PIP4P2: variants seen among roughly 807,000 people sequenced by gnomAD.
The protein encoded by PIP4P2 is phosphatidylinositol-4,5-bisphosphate 4-phosphatase 2, also known as type 2 phosphatidylinositol 4,5-bisphosphate 4-phosphatase.
A neutral mutation model predicts 33.3 loss-of-function variants in PIP4P2; 19 were observed. The ratio of observed to expected loss-of-function variants is 0.57; its 90% CI spans 0.40 to 0.84. The LOEUF is 0.84. Among genes scored for constraint, PIP4P2 ranks in the 40% least tolerant of loss-of-function variants. PIP4P2 has a pLI of 0.00. For missense variants in PIP4P2, 270 were observed against 324.7 expected, an observed-to-expected ratio of 0.83 and a Z score of 1.29; for synonymous variants, 110 against 111.9, an observed-to-expected ratio of 0.98 and a Z score of 0.11.
At chr8:91,039,102 A>G (rs1051159470) in intron 1 of PIP4P2, among the ~76,000 whole-genome samples, 3 of 152,244 alleles carry the variant, frequency 2.0e-5, no homozygotes, top group Admixed American at 2.0e-4. Flanking sequence ...CAAATACTTA[A>G]ATTGAAACTT....
intron 1 of PIP4P2, among the ~76,000 whole-genome samples, chr8:91,023,976 T>TGCAGAGGAGCTAAGGTTCTA (rs1180734679): frequency 6.6e-6 from 1 of 152,020 alleles, no homozygotes; most frequent in Non-Finnish European, 1.5e-5. Context: ...CTACTCTCCT[T>TGCAGAGGAGCTAAGGTTCTA]GCAGAGGAGC....
At chr8:91,002,684 G>A (rs1305169883) in intron 5 of PIP4P2, among the ~76,000 whole-genome samples, 1 of 152,160 alleles carries the variant, frequency 6.6e-6, no homozygotes, top group African/African-American at 2.4e-5. Flanking sequence ...ATAAGCAGCA[G>A]AATAACCTTT....
intron 5 of PIP4P2, among the ~76,000 whole-genome samples, chr8:91,000,454 G>GT (rs955455198): frequency 3.3e-5 from 5 of 149,866 alleles, no homozygotes; most frequent in African/African-American, 9.8e-5. Context: ...GGTTTTGTTT[G>GT]TAAGTTTGTT....
chr8:91,014,570 T>TG (rs1811886599), intron 4 of PIP4P2, among the ~76,000 whole-genome samples: 1 of 152,006 alleles, frequency 6.6e-6, no homozygotes, highest in South Asian at 2.1e-4. Flanking sequence ...GAGAGTAGAA[T>TG]GGTGGTTGCC....
At chr8:91,036,672 T>G (rs1233156606) in intron 1 of PIP4P2, among the ~76,000 whole-genome samples, 1 of 152,220 alleles carries the variant, frequency 6.6e-6, no homozygotes, top group Non-Finnish European at 1.5e-5. Flanking sequence ...TCTAATTCAT[T>G]CTCTAATCTA....
intron 2 of PIP4P2, 36 bp downstream of exon 2, chr8:91,021,220 C>CA: frequency 6.2e-7 from 1 of 1,607,724 alleles, no homozygotes; most frequent in South Asian, 1.1e-5. Context: ...TGTCAAATAA[C>CA]AATTTATATT....
chr8:90,996,361 A>C (rs1811628734), intron 6 of PIP4P2, among the ~76,000 whole-genome samples: 1 of 152,132 alleles, frequency 6.6e-6, no homozygotes, highest in Non-Finnish European at 1.5e-5. Flanking sequence ...CATAAAAATT[A>C]GTTCTGGCAC....
intron 1 of PIP4P2, chr8:91,024,192 C>A: frequency 4.0e-6 from 1 of 247,712 alleles, no homozygotes; most frequent in Non-Finnish European, 8.4e-6. Context: ...GCTTCCTGGC[C>A]TTTCATTTCA....
chr8:91,018,531 AAACAACTTCACT>A lies in PIP4P2; in HGVS notation c.363-30_363-19del, dbSNP rs1811952893. 2 of 1,610,918 alleles carry A rather than the reference AAACAACTTCACT, an allele frequency of 1.2e-6. No individual in the cohort carries two copies. Among genetic ancestry groups the A allele is most frequent in the Non-Finnish European group, 1.7e-6 (2 of 1,179,044 alleles). On this transcript the variant is annotated intron_variant, in intron 3 of 6. Transcript: ENST00000285419. ...TCCGTCTACTGTGAAAAGAGAAAGG[AAACAACTTCACT>A]ATCCCACAAATGGACTGAGAGCAAA...
At chr8:91,009,860 T>C (rs919635215) in intron 4 of PIP4P2, among the ~76,000 whole-genome samples, 15 of 151,942 alleles carry the variant, frequency 9.9e-5, no homozygotes, top group African/African-American at 3.6e-4. Context: ...GAAATTTAGT[T>C]AACCTTGTTA....
At chr8:90,999,410 T>C (rs1029077896) in intron 5 of PIP4P2, among the ~76,000 whole-genome samples, 4 of 152,192 alleles carry the variant, frequency 2.6e-5, no homozygotes, top group South Asian at 4.2e-4. Flanking sequence ...TACTCCCTGA[T>C]TGGTATTGCC....
chr8:91,005,885 C>G (rs1254200323), intron 5 of PIP4P2, among the ~76,000 whole-genome samples: 2 of 152,208 alleles, frequency 1.3e-5, no homozygotes, highest in African/African-American at 4.8e-5. Flanking sequence ...TTCAGTCTGG[C>G]AGTGGCCACA....
At chr8:91,022,110 G>A (rs1812018956) in intron 1 of PIP4P2, among the ~76,000 whole-genome samples, 1 of 152,140 alleles carries the variant, frequency 6.6e-6, no homozygotes, top group African/African-American at 2.4e-5. Flanking sequence ...AATGTAGTAT[G>A]TGGGATTAAA....
intron 5 of PIP4P2, among the ~76,000 whole-genome samples, chr8:91,003,256 A>G (rs1180286880): frequency 2.0e-5 from 3 of 152,220 alleles, no homozygotes; most frequent in Admixed American, 6.6e-5. Flanking sequence ...AAATGAATAG[A>G]TAATTGCAGT....
chr8:91,040,756 G>C lies in PIP4P2; in HGVS notation c.-7C>G. The C allele has an allele frequency of 6.2e-7, 1 of 1,611,256 alleles. No individual in the cohort carries two copies. The highest frequency in any genetic ancestry group is 8.5e-7 in the Non-Finnish European group (1 of 1,179,758). On this transcript the variant is annotated 5_prime_UTR_variant, in exon 1 of 7. Transcript: ENST00000285419. ...CCACCCCATCAGCAGCCATGACTGC[G>C]GCAGCGGCGGGGCCTGGGGAGGCCG...
chr8:90,999,203 C>T (rs955147140), intron 5 of PIP4P2, among the ~76,000 whole-genome samples: 1 of 152,036 alleles, frequency 6.6e-6, no homozygotes, highest in Non-Finnish European at 1.5e-5. Flanking sequence ...CAAATAAAAA[C>T]CACAATGAGA....
chr8:91,004,982 A>C (rs1356981685), intron 5 of PIP4P2, among the ~76,000 whole-genome samples: 2 of 152,224 alleles, frequency 1.3e-5, no homozygotes, highest in African/African-American at 4.8e-5. Context: ...ACATTTGTAA[A>C]GAACTGAATA....
chr8:91,012,763 G>C (rs1304106501), intron 4 of PIP4P2, among the ~76,000 whole-genome samples: 1 of 152,160 alleles, frequency 6.6e-6, no homozygotes, highest in Non-Finnish European at 1.5e-5. Context: ...GAAAGAGCCA[G>C]CTTTAGAAGT....
chr8:91,032,645 G>A (rs1812181499), intron 1 of PIP4P2, among the ~76,000 whole-genome samples: 1 of 151,952 alleles, frequency 6.6e-6, no homozygotes, highest in Non-Finnish European at 1.5e-5. Context: ...GTCAAGTGTG[G>A]TGGCAGGCAC....
Sources: gnomAD v4.1 joint callset for allele counts (sites outside exome capture counted in the v4.1 genomes callset) on GRCh38, gnomAD v4.1.1 for gene constraint, MANE v1.5 for transcripts, NCBI Gene and HGNC (gene_info 2026-07-23, HGNC 2026-07-21) for gene names.